SEPTIN9: variants seen among roughly 807,000 people sequenced by gnomAD.
SEPTIN9 encodes the protein septin-9.
SEPTIN9 carries 13 observed loss-of-function variants against 56.6 expected under a neutral mutation model. That is an observed-to-expected ratio of 0.23 (90% CI 0.15 to 0.37). The LOEUF (loss-of-function observed/expected upper bound fraction) is 0.37. SEPTIN9 is among the 10% of genes least tolerant of loss of function. The pLI, the probability that SEPTIN9 is intolerant of heterozygous loss-of-function variation, is 1.00. For synonymous variants in SEPTIN9, 332 were observed against 334.1 expected (o/e 0.99, Z 0.07); for missense variants, 650 against 823.1 (o/e 0.79, Z 2.57).
chr17:77,496,298 A>T (rs1219352429), intron 10 of SEPTIN9: 2 of 152,116 alleles, frequency 1.3e-5, no homozygotes, highest in Non-Finnish European at 2.9e-5. Flanking sequence ...AAGTGCTGGG[A>T]TTGCAGACGT....
intron 3 of SEPTIN9, among the ~76,000 whole-genome samples, chr17:77,431,817 T>G (rs1598363911): frequency 4.2e-5 from 5 of 118,804 alleles, no homozygotes; most frequent in Admixed American, 1.0e-4. Context: ...GCAACGGGAG[T>G]GAAATGCTGT....
rs200068543 is a variant in SEPTIN9, at chr17:77,433,896, C to T, written c.721+31193C>T. On this transcript the variant is annotated intron_variant, in intron 3 of 11. Transcript: ENST00000427177. The surrounding 1 kb of genome is among the most constrained non-coding windows in gnomAD (Gnocchi z 6.4). ...CCATATGGTCCTAATTAGGACCTTC[C>T]GCCCGTTGGTGGATGGGCAGAGAGG... Among the ~76,000 whole-genome samples the T allele has an allele frequency of 7.2e-5, 11 of 152,176 alleles. No homozygotes were observed. Among genetic ancestry groups the T allele is most frequent in the African/African-American group, 2.2e-4 (9 of 41,436 alleles).
intron 3 of SEPTIN9, among the ~76,000 whole-genome samples, chr17:77,438,530 C>T (rs937715586): frequency 3.9e-5 from 6 of 152,200 alleles, no homozygotes; most frequent in Non-Finnish European, 7.3e-5. Flanking sequence ...CACACGGGCC[C>T]GCTGTCATCA....
intron 1 of SEPTIN9, among the ~76,000 whole-genome samples, chr17:77,288,523 C>T (rs888081742): frequency 4.6e-5 from 7 of 152,190 alleles, no homozygotes; most frequent in East Asian, 3.9e-4. Context: ...GGCCTTGTTC[C>T]GCAGATCAAC....
chr17:77,483,441 C>T (rs1366441394), intron 4 of SEPTIN9: 1 of 152,404 alleles, frequency 6.6e-6, no homozygotes, highest in African/African-American at 2.4e-5. Context: ...CCTACGGCCC[C>T]CACCCTGTTC....
chr17:77,487,218 G>T lies in SEPTIN9; in HGVS notation c.914-206G>T, dbSNP rs2039830856. ...TGGGTTGTGCTGGCATCAGAGCCCGGCTGTGTGGGTTTACACAGTCACTGG... is the reference window on the plus strand; with the variant it reads ...TGGGTTGTGCTGGCATCAGAGCCCGTCTGTGTGGGTTTACACAGTCACTGG... On this transcript the variant is annotated intron_variant, in intron 4 of 11. Transcript: ENST00000427177. This position sits in a 1 kb window ranked among gnomAD's most constrained non-coding sequence, Gnocchi z 4.3. Among the ~76,000 whole-genome samples the T allele has an allele frequency of 6.6e-6, 1 of 152,234 alleles. No individual in the cohort carries two copies. Among genetic ancestry groups the T allele is most frequent in the South Asian group, 2.1e-4 (1 of 4,836 alleles).
chr17:77,458,971 G>A (rs556665356), intron 3 of SEPTIN9, among the ~76,000 whole-genome samples: 1 of 152,350 alleles, frequency 6.6e-6, no homozygotes, highest in South Asian at 2.1e-4. Flanking sequence ...TCTGGAAGTG[G>A]AGCCTGGAAA....
At chr17:77,396,143 TG>T (rs979339114) in intron 2 of SEPTIN9, among the ~76,000 whole-genome samples, 2 of 151,758 alleles carry the variant, frequency 1.3e-5, no homozygotes, top group African/African-American at 4.8e-5. Flanking sequence ...GCTCTATGGG[TG>T]GGGGGGTGAC....
rs1411832577 is a variant in SEPTIN9, at chr17:77,421,325, G to A, written c.721+18622G>A. Among the ~76,000 whole-genome samples the A allele has an allele frequency of 6.6e-6, 1 of 152,166 alleles. No individual in the cohort carries two copies. Among genetic ancestry groups the A allele is most frequent in the Non-Finnish European group, 1.5e-5 (1 of 68,040 alleles). On this transcript the variant is annotated intron_variant, in intron 3 of 11. Coordinates refer to ENST00000427177, the MANE Select transcript of SEPTIN9 (RefSeq NM_001113491.2). This position sits in a 1 kb window ranked among gnomAD's most constrained non-coding sequence, Gnocchi z 4.6. ...GGGTGAGCAGGAACAGATTGGAACC[G>A]CATTTCTCTCCCCCCAGTCACAGCT...
chr17:77,384,099 C>T (rs2035243385), intron 2 of SEPTIN9, among the ~76,000 whole-genome samples: 1 of 152,176 alleles, frequency 6.6e-6, no homozygotes, highest in Non-Finnish European at 1.5e-5. Context: ...GCGGCGGCTG[C>T]CCTGACTGTG....
intron 2 of SEPTIN9, among the ~76,000 whole-genome samples, chr17:77,336,830 A>G (rs1410803266): frequency 6.6e-6 from 1 of 151,984 alleles, no homozygotes; most frequent in African/African-American, 2.4e-5. Context: ...GTCATATATG[A>G]CCTTTGTCAG....
At chr17:77,331,443 G>A (rs932836406) in intron 2 of SEPTIN9, among the ~76,000 whole-genome samples, 2 of 151,984 alleles carry the variant, frequency 1.3e-5, no homozygotes, top group African/African-American at 2.4e-5. Flanking sequence ...AGGTGTGGGT[G>A]GGGGGAGGTT....
chr17:77,326,044 C>T lies in SEPTIN9; in HGVS notation c.76+18847C>T, dbSNP rs932727036. Among the ~76,000 whole-genome samples, 14 of 152,212 alleles carry T rather than the reference C, an allele frequency of 9.2e-5. No individual in the cohort carries two copies. Among genetic ancestry groups the T allele is most frequent in the Middle Eastern group, 6.8e-3 (2 of 292 alleles). ...TGGTGCTCTAGGTTGGCTTGTCACC[C>T]CTGGAAGCACTTGCCATCCTTATAC... On this transcript the variant is annotated intron_variant, in intron 2 of 11. Coordinates refer to ENST00000427177, the MANE Select transcript of SEPTIN9 (RefSeq NM_001113491.2). This position sits in a 1 kb window ranked among gnomAD's most constrained non-coding sequence, Gnocchi z 5.1.
At chr17:77,455,248 C>G (rs532480801) in intron 3 of SEPTIN9, among the ~76,000 whole-genome samples, 1 of 152,156 alleles carries the variant, frequency 6.6e-6, no homozygotes, top group Non-Finnish European at 1.5e-5. Flanking sequence ...AACTCTGGGT[C>G]GGTCTCAGGG....
At chr17:77,316,747 A>C (rs919997325) in intron 2 of SEPTIN9, among the ~76,000 whole-genome samples, 1 of 140,856 alleles carries the variant, frequency 7.1e-6, no homozygotes, top group African/African-American at 2.6e-5. Context: ...CACTCTTTTT[A>C]CCCAGCCAGG....
At chr17:77,353,265 G>C (rs1348675496) in intron 2 of SEPTIN9, among the ~76,000 whole-genome samples, 1 of 152,196 alleles carries the variant, frequency 6.6e-6, no homozygotes, top group Non-Finnish European at 1.5e-5. Context: ...TGGCTGCATG[G>C]AGCAAGGGGC....
intron 8 of SEPTIN9, among the ~76,000 whole-genome samples, chr17:77,491,222 C>G (rs936370781): frequency 1.9e-5 from 2 of 103,156 alleles, no homozygotes; most frequent in South Asian, 2.7e-4. Context: ...TTATGCCCCC[C>G]CTTTTTTTTT....
intron 2 of SEPTIN9, among the ~76,000 whole-genome samples, chr17:77,382,755 C>T (rs556043682): frequency 3.0e-4 from 45 of 152,218 alleles, no homozygotes; most frequent in Non-Finnish European, 4.6e-4. Context: ...CCCTTGGGGT[C>T]GGGTGGGGGA....
chr17:77,297,816 G>A (rs777697235), intron 1 of SEPTIN9, among the ~76,000 whole-genome samples: 7 of 152,220 alleles, frequency 4.6e-5, no homozygotes, highest in Non-Finnish European at 7.3e-5. Flanking sequence ...AGGACTAAGA[G>A]CTGTGGTGAG....
Sources: allele counts gnomAD v4.1 joint callset (sites outside exome capture counted in the v4.1 genomes callset), GRCh38; gene constraint gnomAD v4.1.1; non-coding constraint Gnocchi (gnomAD v3.1); transcripts MANE v1.5; gene names NCBI Gene and HGNC (gene_info 2026-07-23, HGNC 2026-07-21).